The following ARHGEF39 variants were observed in gnomAD, a reference collection of about 807,000 sequenced individuals.
ARHGEF39 encodes the protein Rho guanine nucleotide exchange factor (GEF) 39.
In ARHGEF39, 45 loss-of-function variants were observed where a neutral mutation model predicts 47.5. That is an observed-to-expected ratio of 0.95 (90% CI 0.75 to 1.22). ARHGEF39 has a LOEUF of 1.22. Ranked by LOEUF, ARHGEF39 falls within the 50% of genes most tolerant of loss-of-function variation. The pLI, the probability that ARHGEF39 is intolerant of heterozygous loss-of-function variation, is 0.00. For synonymous variants in ARHGEF39, 164 were observed against 167.8 expected (o/e 0.98, Z 0.17); for missense variants, 411 against 425.3 (o/e 0.97, Z 0.30).
Position 35,661,231 on chromosome 9 carries a change from C to T in ARHGEF39, c.*756G>A, listed in dbSNP as rs1029232897. The T allele has an allele frequency of 7.0e-7, 1 of 1,421,734 alleles. No homozygotes were observed. Among genetic ancestry groups the T allele is most frequent in the Non-Finnish European group, 9.7e-7 (1 of 1,035,286 alleles). 88.1% of individuals were successfully genotyped at this position (1,421,734 alleles called of 1,614,324 possible). A position where few individuals can be genotyped will look rare whatever the true frequency, so the allele number is the denominator to read the frequency against. ...TTTTTCGATCCTAGTTGGTTGTACA[C>T]ACCCATACTAGGTGCCTAAGGACAA... is the stretch of plus-strand genomic sequence containing the variant. On this transcript the variant is annotated 3_prime_UTR_variant, in exon 9 of 9. Transcript: ENST00000378387.
chr9:35,663,337 G>GTCA lies in ARHGEF39; in HGVS notation c.528_529insTGA (p.Asp176_His177insTer), dbSNP rs1210444091. The stretch of plus-strand genomic sequence containing the variant: ...AAGAACCTACGTGTGAGCTGTTGAT[G>GTCA]GTCAGGGCTGTTGGGACCTGTGTTT... On this transcript the variant is annotated stop_gained and inframe_insertion, in exon 5 of 9. Transcript: ENST00000378387. LOFTEE classifies it high-confidence loss of function. The GTCA allele has an allele frequency of 6.2e-7, 1 of 1,613,886 alleles. No individual in the cohort carries two copies. The highest frequency in any genetic ancestry group is 1.3e-5 in the African/African-American group (1 of 74,882).
Position 35,665,037 on chromosome 9 carries a change from C to G in ARHGEF39, c.133G>C (p.Ala45Pro). 1 of 1,558,730 alleles carries G rather than the reference C, an allele frequency of 6.4e-7. No individual in the cohort carries two copies. Among genetic ancestry groups the G allele is most frequent in the Non-Finnish European group, 8.7e-7 (1 of 1,153,174 alleles). ...RRYQEQLGLV[A>P]TYFLGILKAK... ...GCGTGTGCCAGGTCCCCCACCGTGG[C>G]CACCAGCCCCAGCTGTTCTTGGTAG... is the stretch of plus-strand genomic sequence containing the variant. Residue 45 changes from alanine to proline, a missense_variant, in exon 1 of 9, where the codon GCC becomes CCC. Transcript: ENST00000378387.
Position 35,662,248 on chromosome 9 carries a change from T to TATG in ARHGEF39, c.922_923insCAT (p.Lys308delinsThrTer), listed in dbSNP as rs761321558. 2 of 1,614,110 alleles carry TATG rather than the reference T, an allele frequency of 1.2e-6. No individual in the cohort carries two copies. Among genetic ancestry groups the TATG allele is most frequent in the Non-Finnish European group, 1.7e-6 (2 of 1,179,974 alleles). ...CTGGTCTGTGGACATAAGCAGTAGC[T>TATG]TCTCATGAGGGAAGGACAGCTAGAG... On this transcript the variant is annotated stop_gained and protein_altering_variant, in exon 8 of 9. Transcript: ENST00000378387. LOFTEE classifies it high-confidence loss of function.
chr9:35,664,851 C>A lies in ARHGEF39; in HGVS notation c.139-1G>T, dbSNP rs755793974. On this transcript the variant is annotated splice_acceptor_variant, in intron 1 of 8. Coordinates refer to ENST00000378387, the MANE Select transcript of ARHGEF39 (RefSeq NM_032818.3). LOFTEE classifies it high-confidence loss of function. ...TGGCTTTCAGGATCCCCAAAAAGTA[C>A]TGCGGAAGGAGAGAACATTGGTTCT... 1.2e-6 allele frequency: 2 copies of A among 1,608,030 alleles called. No individual in the cohort carries two copies. The highest frequency in any genetic ancestry group is 2.2e-5 in the South Asian group (2 of 91,078).
chr9:35,660,345 G>C lies in ARHGEF39; in HGVS notation c.*1642C>G. 6.8e-7 allele frequency: 1 copy of C among 1,461,482 alleles called. No individual in the cohort carries two copies. Among genetic ancestry groups the C allele is most frequent in the African/African-American group, 1.4e-5 (1 of 70,866 alleles). 90.5% of individuals were successfully genotyped at this position (1,461,482 alleles called of 1,614,324 possible). A position where few individuals can be genotyped will look rare whatever the true frequency, so the allele number is the denominator to read the frequency against. ...TCTCTTGGCTGGCTCTGGAGACTGA[G>C]GTGATGGAGCAGAACCTTGTTGCTT... On this transcript the variant is annotated 3_prime_UTR_variant, in exon 9 of 9. Transcript: ENST00000378387.
At chr9:35,663,287 C>T (rs201820836) in intron 5 of ARHGEF39, 35 bp downstream of exon 5, 2 of 1,608,392 alleles carry the variant, frequency 1.2e-6, no homozygotes, top group Non-Finnish European at 1.7e-6. Context: ...GGAGAGGAAG[C>T]CTCCAGCCTG....
intron 6 of ARHGEF39, 93 bp downstream of exon 6, chr9:35,662,853 G>T: frequency 6.4e-7 from 1 of 1,563,714 alleles, no homozygotes; most frequent in Non-Finnish European, 8.7e-7. Context: ...AGGAAGAAGG[G>T]TGAGTAAGAA....
In ARHGEF39 at chr9:35,661,919, A is replaced by AT. The variant is rs1823970999; in HGVS notation, c.*67dup. 3 of 1,547,552 alleles carry AT rather than the reference A, an allele frequency of 1.9e-6. No individual in the cohort carries two copies. Among genetic ancestry groups the AT allele is most frequent in the African/African-American group, 2.8e-5 (2 of 72,662 alleles). On this transcript the variant is annotated 3_prime_UTR_variant, in exon 9 of 9. Coordinates refer to ENST00000378387, the MANE Select transcript of ARHGEF39 (RefSeq NM_032818.3). ...GGTTCTGTTTTGTTCAGTACTGAAG[A>AT]TTCCTTTGTACTCTTGGCTGTGACC...
chr9:35,662,866 G>C, intron 6 of ARHGEF39, 80 bp downstream of exon 6: 2 of 1,579,364 alleles, frequency 1.3e-6, no homozygotes, highest in Non-Finnish European at 1.7e-6. Flanking sequence ...AGTAAGAAAA[G>C]AGCAGCTGGT....
chr9:35,664,627 C>A (rs1361338), intron 2 of ARHGEF39, 129 bp downstream of exon 2: 727,278 of 1,472,664 alleles, frequency 0.49, 182,982 homozygotes, highest in East Asian at 0.52. Context: ...ATGCTAAGGC[C>A]CTGGGCCAAG....
chr9:35,665,007 T>G (rs755708784), intron 1 of ARHGEF39, 25 bp downstream of exon 1: 1 of 1,537,828 alleles, frequency 6.5e-7, no homozygotes, highest in Non-Finnish European at 8.7e-7. Context: ...TGTCCTATAA[T>G]GGGAGCGTGT....
In ARHGEF39 at chr9:35,662,659, A is replaced by T. The variant is rs1434319355; in HGVS notation, c.756T>A (p.Thr252=). 2 of 1,610,968 alleles carry T rather than the reference A, an allele frequency of 1.2e-6. No individual in the cohort carries two copies. Among genetic ancestry groups the T allele is most frequent in the South Asian group, 2.2e-5 (2 of 90,674 alleles). Residue 252 remains threonine, a synonymous_variant, in exon 7 of 9, where the codon ACT becomes ACA. Transcript: ENST00000378387. ...GAGGCTTGGCCATGAGGAGCACATCAGTGAAGAGGAAGAACATGCGGGGCC... is the reference window on the plus strand; with the variant it reads ...GAGGCTTGGCCATGAGGAGCACATCTGTGAAGAGGAAGAACATGCGGGGCC... ...EPRPRMFFLF[T]DVLLMAKPRP... is the part of the protein sequence containing the mutation.
At chr9:35,663,957 C>T (rs1189634684) in intron 4 of ARHGEF39, 51 bp downstream of exon 4, 2 of 1,553,366 alleles carry the variant, frequency 1.3e-6, no homozygotes, top group African/African-American at 1.4e-5. Context: ...CTGAGGGCAG[C>T]AGTCATACAA....
At position 35,661,862 on chromosome 9, in the gene ARHGEF39, A is replaced by C. The variant is rs577712321; in HGVS notation, c.*125T>G. On this transcript the variant is annotated 3_prime_UTR_variant, in exon 9 of 9. Transcript: ENST00000378387. The stretch of plus-strand genomic sequence containing the variant: ...TGATCTGGAGTAGCTTGGTCCAGGC[A>C]AACAGAAAGTGACCTTTGTCAAATC... The C allele has an allele frequency of 4.8e-6, 6 of 1,243,740 alleles. No individual in the cohort carries two copies. The East Asian group carries it at 1.4e-4, about 29-fold the overall frequency. The allele number at this position is 1,243,740 out of a possible 1,614,324, so 77.0% of individuals were successfully genotyped here.
rs1823968362 is a variant in ARHGEF39, at chr9:35,661,872, T to A, written c.*115A>T. 7.7e-7 allele frequency: 1 copy of A among 1,301,392 alleles called. No individual in the cohort carries two copies. Among genetic ancestry groups the A allele is most frequent in the African/African-American group, 1.5e-5 (1 of 67,404 alleles). 80.6% of individuals were successfully genotyped at this position (1,301,392 alleles called of 1,614,324 possible). ...TAGCTTGGTCCAGGCAAACAGAAAGTGACCTTTGTCAAATCATGAAGGGTT... is the reference window on the plus strand; with the variant it reads ...TAGCTTGGTCCAGGCAAACAGAAAGAGACCTTTGTCAAATCATGAAGGGTT... On this transcript the variant is annotated 3_prime_UTR_variant, in exon 9 of 9. Transcript: ENST00000378387.
chr9:35,663,993 C>G lies in ARHGEF39; in HGVS notation c.473+15G>C. The G allele has an allele frequency of 6.2e-7, 1 of 1,609,324 alleles. No homozygotes were observed. Among genetic ancestry groups the G allele is most frequent in the African/African-American group, 1.3e-5 (1 of 74,962 alleles). On this transcript the variant is annotated intron_variant, in intron 4 of 8. Coordinates refer to ENST00000378387, the MANE Select transcript of ARHGEF39 (RefSeq NM_032818.3). ...ACTAAAAGAGAGAGGCGGCTGGAAT[C>G]AAGAGTTCACTCACTGCTGGAGCCG... is the stretch of plus-strand genomic sequence containing the variant.
chr9:35,664,488 G>C lies in ARHGEF39; in HGVS notation c.238C>G (p.Leu80Val). The part of the protein sequence containing the change: ...WELIYGASQE[L>V]LPYLEGGCWG... The stretch of plus-strand genomic sequence containing the variant: ...CATCCTCCTTCCAGGTAGGGAAGCA[G>C]CTCCCTGTGTGGGCAAGGACAGCAA... Residue 80 changes from leucine (L) to valine (V), a missense_variant, in exon 3 of 9, where the codon CTG (leucine) becomes GTG (valine). Leu to Val is a conservative substitution (Grantham distance 32). Coordinates refer to ENST00000378387, the MANE Select transcript of ARHGEF39 (RefSeq NM_032818.3). The C allele has an allele frequency of 1.3e-6, 2 of 1,598,804 alleles. No individual in the cohort carries two copies. Among genetic ancestry groups the C allele is most frequent in the Non-Finnish European group, 1.7e-6 (2 of 1,172,878 alleles).
Position 35,662,575 on chromosome 9 carries a change from C to A in ARHGEF39, c.840G>T (p.Met280Ile). 6.2e-7 allele frequency: 1 copy of A among 1,614,198 alleles called. No individual in the cohort carries two copies. The highest frequency in any genetic ancestry group is 8.5e-7 in the Non-Finnish European group (1 of 1,180,046). The change falls in exon 7 of 9, where the codon ATG becomes ATT. Residue 280 changes from methionine to isoleucine, a missense_variant. Transcript: ENST00000378387. ...GTFACKALYP[M>I]AQCHLSRVFG... ...AGACCCTGCTGAGATGACACTGGGC[C>A]ATGGGGTAGAGGGCCTTGCAGGCAA... is the stretch of plus-strand genomic sequence containing the variant.
Position 35,660,197 on chromosome 9 carries a change from G to A in ARHGEF39, c.*1790C>T. On this transcript the variant is annotated 3_prime_UTR_variant, in exon 9 of 9. Transcript: ENST00000378387. ...GTTGCTCATTCCTGGAGGTGTTTCA[G>A]CAAACTGACCATGTGTGGGACATAG... is the stretch of plus-strand genomic sequence containing the variant. 1 of 511,468 alleles carries A rather than the reference G, an allele frequency of 2.0e-6. No homozygotes were observed. Among genetic ancestry groups the A allele is most frequent in the Non-Finnish European group, 3.4e-6 (1 of 290,626 alleles). 31.7% of individuals were successfully genotyped at this position (511,468 alleles called of 1,614,324 possible).
Sources: gnomAD v4.1 joint callset for allele counts on GRCh38, gnomAD v4.1.1 for gene constraint, MANE v1.5 for transcripts, NCBI Gene and HGNC (gene_info 2026-07-23, HGNC 2026-07-21) for gene names.